The following UVRAG variants were observed in gnomAD, a reference collection of about 807,000 sequenced individuals.
UVRAG encodes UV radiation resistance associated.
A neutral mutation model predicts 78.0 loss-of-function variants in UVRAG; 19 were observed. That is an observed-to-expected ratio of 0.24 (90% CI 0.17 to 0.36). UVRAG has a LOEUF of 0.36. Ranked by LOEUF, UVRAG falls within the 10% of genes least tolerant of loss-of-function variation. The pLI, the probability that UVRAG is intolerant of heterozygous loss-of-function variation, is 1.00. For missense variants in UVRAG, 740 were observed against 853.8 expected (o/e 0.87, Z 1.66); for synonymous variants, 323 against 324.6 (o/e 1.00, Z 0.05).
intron 1 of UVRAG, among the ~76,000 whole-genome samples, chr11:75,821,587 G>A (rs1945390852): frequency 6.6e-6 from 1 of 152,208 alleles, no homozygotes; most frequent in South Asian, 2.1e-4. Context: ...TCCTGCCTTG[G>A]CCAACCAAAG....
chr11:75,892,455 C>G, intron 5 of UVRAG: 1 of 927,784 alleles, frequency 1.1e-6, no homozygotes, highest in South Asian at 5.0e-5. Context: ...TATGCTGGCA[C>G]TATTCTAAAC....
chr11:76,108,933 T>C (rs569049627), intron 13 of UVRAG, among the ~76,000 whole-genome samples: 4 of 152,298 alleles, frequency 2.6e-5, no homozygotes, highest in African/African-American at 9.6e-5. Flanking sequence ...TTGAACAAAA[T>C]CTTAATTGCC....
chr11:76,062,007 C>G (rs536200869), intron 12 of UVRAG, among the ~76,000 whole-genome samples: 4 of 152,238 alleles, frequency 2.6e-5, no homozygotes, highest in African/African-American at 9.6e-5. Flanking sequence ...TTGCCTCACA[C>G]AGTTCTGGAG....
At chr11:76,084,150 C>T (rs906699805) in intron 13 of UVRAG, among the ~76,000 whole-genome samples, 1 of 152,204 alleles carries the variant, frequency 6.6e-6, no homozygotes, top group Non-Finnish European at 1.5e-5. Context: ...ACTCAGACAT[C>T]ATCATCAAGC....
intron 1 of UVRAG, among the ~76,000 whole-genome samples, chr11:75,839,542 C>T (rs995264849): frequency 6.6e-6 from 1 of 151,734 alleles, no homozygotes; most frequent in Non-Finnish European, 1.5e-5. Flanking sequence ...TCTCTTTTCC[C>T]TAGAGGTTAT....
intron 5 of UVRAG, among the ~76,000 whole-genome samples, chr11:75,904,245 C>G (rs549099162): frequency 6.6e-6 from 1 of 152,222 alleles, no homozygotes; most frequent in South Asian, 2.1e-4. Flanking sequence ...TATCTATTTC[C>G]CTGAGCAGTT....
chr11:75,950,963 T>TACACACACACACACACACAC (rs35864936), intron 6 of UVRAG, among the ~76,000 whole-genome samples: 50 of 140,052 alleles, frequency 3.6e-4, no homozygotes, highest in African/African-American at 1.3e-3. Context: ...TTGTCAGGTG[T>TACACACACACACACACACAC]ACACACACAC....
chr11:76,129,891 C>T (rs1591268703), intron 14 of UVRAG, among the ~76,000 whole-genome samples: 1 of 151,786 alleles, frequency 6.6e-6, no homozygotes, highest in African/African-American at 2.4e-5. Flanking sequence ...TCTCTCTCTG[C>T]ACCTCTGACA....
intron 6 of UVRAG, among the ~76,000 whole-genome samples, chr11:75,918,284 CAGG>C (rs1947903514): frequency 6.7e-6 from 1 of 149,690 alleles, no homozygotes; most frequent in Non-Finnish European, 1.5e-5. Flanking sequence ...GAGGCTAAGG[CAGG>C]AGAATGGCGT....
chr11:76,140,492 G>C (rs902732393), intron 14 of UVRAG, among the ~76,000 whole-genome samples: 2 of 152,038 alleles, frequency 1.3e-5, no homozygotes, highest in African/African-American at 4.8e-5. Context: ...ATATATTGCA[G>C]TGTGTCTGTA....
At chr11:75,897,635 T>C (rs192280367) in intron 5 of UVRAG, among the ~76,000 whole-genome samples, 38 of 151,768 alleles carry the variant, frequency 2.5e-4, no homozygotes, top group Non-Finnish European at 3.7e-4. Flanking sequence ...ATCGGTTACC[T>C]GCTTCAGCCT....
intron 4 of UVRAG, among the ~76,000 whole-genome samples, chr11:75,882,867 C>T (rs1946982592): frequency 2.0e-5 from 3 of 152,158 alleles, no homozygotes; most frequent in South Asian, 2.1e-4. Flanking sequence ...AAACTACATT[C>T]TAAACTACAA....
At chr11:75,874,555 A>G (rs1455529804) in intron 3 of UVRAG, among the ~76,000 whole-genome samples, 1 of 152,168 alleles carries the variant, frequency 6.6e-6, no homozygotes, top group African/African-American at 2.4e-5. Context: ...AGAATTAACA[A>G]ATTGTCTTAT....
intron 8 of UVRAG, among the ~76,000 whole-genome samples, chr11:75,984,834 A>G (rs1188513731): frequency 6.6e-6 from 1 of 152,194 alleles, no homozygotes; most frequent in Non-Finnish European, 1.5e-5. Flanking sequence ...TTAATGCCAA[A>G]TAGTATTCCA....
At chr11:76,104,641 GC>G (rs764941932) in intron 13 of UVRAG, among the ~76,000 whole-genome samples, 32 of 152,078 alleles carry the variant, frequency 2.1e-4, no homozygotes, top group Admixed American at 4.6e-4. Flanking sequence ...TACAAACAGT[GC>G]CATGCATGTA....
chr11:75,979,622 C>G (rs1248822245), intron 7 of UVRAG: 1 of 155,586 alleles, frequency 6.4e-6, no homozygotes, highest in Non-Finnish European at 1.4e-5. Flanking sequence ...AGTTTGATCT[C>G]AGACTGCTGT....
intron 13 of UVRAG, among the ~76,000 whole-genome samples, chr11:76,089,201 G>C (rs887103628): frequency 2.0e-5 from 3 of 152,142 alleles, no homozygotes; most frequent in African/African-American, 7.2e-5. Flanking sequence ...AGGGCTTTGA[G>C]AAGTGGGGTG....
At chr11:76,040,213 TGCAGCAAAGAAGTAGAAGAA>T (rs1194661732) in intron 12 of UVRAG, among the ~76,000 whole-genome samples, 3 of 152,022 alleles carry the variant, frequency 2.0e-5, no homozygotes, top group Admixed American at 6.5e-5. Context: ...GCACTAGATC[TGCAGCAAAGAAGTAGAAGAA>T]GCGGCCGGGC....
Position 75,879,871 on chromosome 11 carries a change from A to G in UVRAG, c.271-8A>G, listed in dbSNP as rs369730569. 9.3e-6 allele frequency: 15 copies of G among 1,613,138 alleles called. No homozygotes were observed. Among genetic ancestry groups the G allele is most frequent in the African/African-American group, 1.3e-5 (1 of 75,040 alleles). Reference sequence around the variant, plus strand: ...TGTCCTAAAGCGTGTTTTCATTTTCATGAGCAGAATCCCACGTGGCGAAGT... The same window carrying G: ...TGTCCTAAAGCGTGTTTTCATTTTCGTGAGCAGAATCCCACGTGGCGAAGT... On this transcript the variant is annotated splice_polypyrimidine_tract_variant and splice_region_variant and intron_variant, in intron 3 of 14. Coordinates refer to ENST00000356136, the MANE Select transcript of UVRAG (RefSeq NM_003369.4).
Sources: gnomAD v4.1 joint callset for allele counts (sites outside exome capture counted in the v4.1 genomes callset) on GRCh38, gnomAD v4.1.1 for gene constraint, MANE v1.5 for transcripts, NCBI Gene and HGNC (gene_info 2026-07-23, HGNC 2026-07-21) for gene names.